SUN5: variants seen among roughly 807,000 people sequenced by gnomAD.
The protein encoded by SUN5 is SUN domain-containing protein 5.
SUN5 carries 44 observed loss-of-function variants against 53.7 expected under a neutral mutation model. The ratio of observed to expected loss-of-function variants is 0.82; its 90% confidence interval spans 0.64 to 1.05. SUN5 has a LOEUF of 1.05. SUN5 is among the 50% of genes least tolerant of loss of function. The pLI is 0.00. For synonymous variants in SUN5, 166 were observed against 179.8 expected (o/e 0.92, Z 0.62); for missense variants, 433 against 483.8 (o/e 0.90, Z 0.98).
chr20:33,004,266 C>A lies in SUN5; in HGVS notation c.75G>T (p.Arg25=). 1 of 1,569,418 alleles carries A rather than the reference C, an allele frequency of 6.4e-7. No homozygotes were observed. ...AAGGGAGGGGCTGCCATCCTCACCT[C>A]CGGGGTCTGGGATTGTGGGCCACAT... is the stretch of plus-strand genomic sequence containing the variant. ...LEDVAHNPRP[R]RIAQRGRNTS... is the part of the protein sequence containing the mutation. The change falls in exon 1 of 13, where the codon CGG becomes CGT. Residue 25 remains arginine, a splice_region_variant and synonymous_variant. Transcript: ENST00000356173.
chr20:32,989,064 T>C (rs1346887603), intron 9 of SUN5, among the ~76,000 whole-genome samples: 2 of 152,196 alleles, frequency 1.3e-5, no homozygotes, highest in Non-Finnish European at 2.9e-5. Flanking sequence ...TAGCTGGGAC[T>C]ACAGGCGCCC....
At chr20:32,996,279 C>T (rs1291172247) in intron 7 of SUN5, 45 bp downstream of exon 7, 6 of 1,603,998 alleles carry the variant, frequency 3.7e-6, no homozygotes, top group Non-Finnish European at 5.1e-6. Flanking sequence ...GGCTATAGCT[C>T]TGCTTTTTAG....
chr20:33,003,289 GGGGTGAGGTA>G (rs1222474871), intron 1 of SUN5, among the ~76,000 whole-genome samples: 1 of 152,212 alleles, frequency 6.6e-6, no homozygotes, highest in Non-Finnish European at 1.5e-5. Context: ...GAAGTCTGCA[GGGGTGAGGTA>G]GGGTGAGGTA....
At chr20:32,995,832 T>G in intron 7 of SUN5, 105 bp from the exon 8 acceptor site, 1 of 1,043,126 alleles carries the variant, frequency 9.6e-7, no homozygotes, top group Non-Finnish European at 1.5e-6. Flanking sequence ...GAGTTTCAGA[T>G]TTTCCTAATC....
intron 4 of SUN5, 118 bp downstream of exon 4, chr20:33,001,094 G>A (rs1290568771): frequency 5.9e-6 from 7 of 1,186,338 alleles, no homozygotes; most frequent in Non-Finnish European, 8.4e-6. Context: ...AGCCAGGTTT[G>A]GGATAGCTTT....
intron 8 of SUN5, 60 bp downstream of exon 8, chr20:32,995,559 G>A: frequency 2.1e-6 from 3 of 1,450,854 alleles, no homozygotes; most frequent in South Asian, 2.3e-5. Context: ...TGAGGTATAG[G>A]AAACAGGACA....
Position 32,985,161 on chromosome 20 carries a change from C to T in SUN5, c.922G>A (p.Glu308Lys), listed in dbSNP as rs1043046005. Residue 308 changes from glutamate to lysine, a missense_variant, in exon 12 of 13, where the codon GAG becomes AAG. By Grantham distance (56) the Glu-to-Lys change is moderately conservative (BLOSUM62 1). Coordinates refer to ENST00000356173, the MANE Select transcript of SUN5 (RefSeq NM_080675.4). ...IYGMEGSPKE[E>K]VFLGAFQFQP... ...AACTGAAATGCCCCCAGGAACACCT[C>T]CTCCTTGGGGGAGCCCTCCATGCCC... The T allele has an allele frequency of 3.1e-6, 5 of 1,614,060 alleles. No individual in the cohort carries two copies. Among genetic ancestry groups the T allele is most frequent in the Non-Finnish European group, 4.2e-6 (5 of 1,179,968 alleles).
Position 32,989,708 on chromosome 20 carries a change from C to G in SUN5, c.535-10G>C. 3 of 1,613,132 alleles carry G rather than the reference C, an allele frequency of 1.9e-6. No individual in the cohort carries two copies. The highest frequency in any genetic ancestry group is 2.5e-6 in the Non-Finnish European group (3 of 1,179,216). On this transcript the variant is annotated splice_polypyrimidine_tract_variant and intron_variant, in intron 8 of 12. Transcript: ENST00000356173. ...TCTGGGCCATTTTTTGCTGAAAAGG[C>G]AGAAAACACAAGTTGTGCCCTGGTG...
At chr20:33,000,737 T>C (rs1439654465) in intron 4 of SUN5, among the ~76,000 whole-genome samples, 4 of 151,518 alleles carry the variant, frequency 2.6e-5, no homozygotes, top group Non-Finnish European at 5.9e-5. Flanking sequence ...CCCAGCTACT[T>C]GGGAGGCTGA....
Position 32,995,711 on chromosome 20 carries a change from C to CTGTGATGTA in SUN5, c.441_442insTACATCACA (p.Lys147_Val148insTyrIleThr). 6.2e-7 allele frequency: 1 copy of CTGTGATGTA among 1,614,124 alleles called. No homozygotes were observed. Among genetic ancestry groups the CTGTGATGTA allele is most frequent in the East Asian group, 2.2e-5 (1 of 44,880 alleles). On this transcript the variant is annotated inframe_insertion, in exon 8 of 13. Coordinates refer to ENST00000356173, the MANE Select transcript of SUN5 (RefSeq NM_080675.4). The stretch of plus-strand genomic sequence containing the variant: ...TGGATTTCCCCACTGTGATGTCGCA[C>CTGTGATGTA]CTTCTCCTGGTACAACCTTATCAGG...
intron 6 of SUN5, among the ~76,000 whole-genome samples, chr20:32,997,421 G>A (rs1026235831): frequency 6.6e-6 from 1 of 152,142 alleles, no homozygotes; most frequent in African/African-American, 2.4e-5. Context: ...GAGCCATCTT[G>A]GAGGAGGGAC....
chr20:32,998,246 C>T (rs1185065577), intron 5 of SUN5, among the ~76,000 whole-genome samples: 1 of 151,540 alleles, frequency 6.6e-6, no homozygotes, highest in East Asian at 1.9e-4. Flanking sequence ...CCCAGCTACC[C>T]GGAGGCCGAA....
intron 8 of SUN5, among the ~76,000 whole-genome samples, chr20:32,994,711 C>T (rs1021926700): frequency 1.3e-5 from 2 of 152,194 alleles, no homozygotes; most frequent in African/African-American, 2.4e-5. Context: ...CCAGCCAAGT[C>T]GACATGGTGA....
intron 1 of SUN5, among the ~76,000 whole-genome samples, chr20:33,003,817 A>G (rs1337527551): frequency 6.6e-6 from 1 of 152,208 alleles, no homozygotes; most frequent in African/African-American, 2.4e-5. Flanking sequence ...ATTGTTTGGT[A>G]TACTCTCTTG....
chr20:32,999,863 T>G, intron 5 of SUN5: 2 of 1,502,988 alleles, frequency 1.3e-6, no homozygotes, highest in Non-Finnish European at 1.8e-6. Flanking sequence ...TAACACGGTT[T>G]GGGGAGAGCT....
chr20:33,002,477 C>G, intron 3 of SUN5, 110 bp downstream of exon 3: 1 of 1,003,118 alleles, frequency 1.0e-6, no homozygotes, highest in Non-Finnish European at 1.6e-6. Flanking sequence ...TCCCCACCAC[C>G]CCTGCAGTCC....
chr20:33,004,201 G>C, intron 1 of SUN5, 63 bp downstream of exon 1: 1 of 1,481,920 alleles, frequency 6.7e-7, no homozygotes, highest in Admixed American at 2.3e-5. Context: ...CAAGGACAGG[G>C]TGGAGGGGCA....
At chr20:33,002,390 T>C (rs1270284743) in intron 3 of SUN5, among the ~76,000 whole-genome samples, 197 bp downstream of exon 3, 1 of 152,096 alleles carries the variant, frequency 6.6e-6, no homozygotes, top group Non-Finnish European at 1.5e-5. Context: ...TCCCTCCCAG[T>C]TCCCCTCTCC....
chr20:32,993,132 G>T (rs1221544097), intron 8 of SUN5, among the ~76,000 whole-genome samples: 1 of 152,144 alleles, frequency 6.6e-6, no homozygotes, highest in South Asian at 2.1e-4. Flanking sequence ...AACAACAGGA[G>T]CTTCAAAAAT....
Sources: allele counts gnomAD v4.1 joint callset (sites outside exome capture counted in the v4.1 genomes callset), GRCh38; gene constraint gnomAD v4.1.1; transcripts MANE v1.5; gene names NCBI Gene and HGNC (gene_info 2026-07-23, HGNC 2026-07-21).